The following AXIN1 variants were observed in gnomAD, a reference collection of about 807,000 sequenced individuals.
The protein encoded by AXIN1 is axin 1.
A neutral mutation model predicts 76.4 loss-of-function variants in AXIN1; 30 were observed. The observed-to-expected ratio is 0.39, with a 90% CI of 0.29 to 0.53. The LOEUF (loss-of-function observed/expected upper bound fraction) is 0.53, where lower values mean the gene tolerates loss of function less well. Ranked by LOEUF, AXIN1 falls within the 20% of genes least tolerant of loss-of-function variation. The pLI is 0.66. For synonymous variants in AXIN1, 545 were observed against 501.4 expected, an observed-to-expected ratio of 1.09 and a Z score of -1.16; for missense variants, 1,140 against 1,198.8, an observed-to-expected ratio of 0.95 and a Z score of 0.72.
Position 352,331 on chromosome 16 carries a change from CCGCGGCCTAGCCCGCCCCGGAGCCCG to C in AXIN1, c.-82+12_-82+37del. On this transcript the variant is annotated intron_variant, in intron 1 of 10. Coordinates refer to ENST00000262320, the MANE Select transcript of AXIN1 (RefSeq NM_003502.4). ...TTCCGGGTCCCGCCCGCCCGGCCTACCGCGGCCTAGCCCGCCCCGGAGCCCGGCCCTACTCACCCGCGCGCGGTGGT... is the reference window on the plus strand; with the variant it reads ...TTCCGGGTCCCGCCCGCCCGGCCTACGCCCTACTCACCCGCGCGCGGTGGT... The C allele has an allele frequency of 1.0e-5, 10 of 977,062 alleles. No homozygotes were observed. Among genetic ancestry groups the C allele is most frequent in the Non-Finnish European group, 1.2e-5 (10 of 824,156 alleles). 60.5% of individuals were successfully genotyped at this position (977,062 alleles called of 1,614,324 possible).
intron 1 of AXIN1, among the ~76,000 whole-genome samples, chr16:347,585 G>A (rs1027257959): frequency 6.6e-6 from 1 of 152,224 alleles, no homozygotes; most frequent in Admixed American, 6.5e-5. Flanking sequence ...AGGAAGGTGC[G>A]CTACAGCCCC....
chr16:287,854 C>T lies in AXIN1; in HGVS notation c.*268G>A, dbSNP rs1355202136. The T allele has an allele frequency of 2.3e-5, 13 of 554,710 alleles. No individual in the cohort carries two copies. Among genetic ancestry groups the T allele is most frequent in the Non-Finnish European group, 4.2e-5 (13 of 307,924 alleles). 34.4% of individuals were successfully genotyped at this position (554,710 alleles called of 1,614,324 possible). ...GGGGGGGGTCACCTGAAGCTGGCAGCAGGGACCTCGGCTGCCTCACTTGGG... is the reference window on the plus strand; with the variant it reads ...GGGGGGGGTCACCTGAAGCTGGCAGTAGGGACCTCGGCTGCCTCACTTGGG... On this transcript the variant is annotated 3_prime_UTR_variant, in exon 11 of 11. Transcript: ENST00000262320.
chr16:332,419 T>C (rs1305399263), intron 2 of AXIN1, among the ~76,000 whole-genome samples: 3 of 150,872 alleles, frequency 2.0e-5, no homozygotes, highest in African/African-American at 4.9e-5. Flanking sequence ...CTACTAAAAA[T>C]ACAAAAAATT....
chr16:288,305 G>A (rs963267414), intron 10 of AXIN1, 57 bp from the exon 11 acceptor site: 2 of 1,610,590 alleles, frequency 1.2e-6, no homozygotes, highest in African/African-American at 1.4e-5. Flanking sequence ...TGGGAAGGAG[G>A]CCTGTGGCAG....
intron 2 of AXIN1, among the ~76,000 whole-genome samples, chr16:333,121 T>A (rs1597094985): frequency 6.6e-6 from 1 of 151,932 alleles, no homozygotes; most frequent in South Asian, 2.1e-4. Flanking sequence ...TCACCTGAGG[T>A]CGGGAGTTTG....
chr16:323,837 G>A (rs927137012), intron 2 of AXIN1, among the ~76,000 whole-genome samples: 1 of 152,028 alleles, frequency 6.6e-6, no homozygotes, highest in African/African-American at 2.4e-5. Context: ...TGTGACTTGG[G>A]TTCTCACCTG....
At position 293,416 on chromosome 16, in the gene AXIN1, G is replaced by A. The variant is rs557106697; in HGVS notation, c.2186+72C>T. ...TTTTCCCCTGAAGACCTCAGGCCTC[G>A]GGGAGCTTCAGCCCCAGGAGTGGTG... On this transcript the variant is annotated intron_variant, in intron 8 of 10. Coordinates refer to ENST00000262320, the MANE Select transcript of AXIN1 (RefSeq NM_003502.4). The surrounding 1 kb of genome is among the most constrained non-coding windows in gnomAD (Gnocchi z 4.6). 9.4e-5 allele frequency: 140 copies of A among 1,483,228 alleles called. No individual in the cohort carries two copies. The African/African-American group carries it at 1.3e-3, about 14-fold the overall frequency. The allele number at this position is 1,483,228 out of a possible 1,614,324, so 91.9% of individuals were successfully genotyped here. A position where few individuals can be genotyped will look rare whatever the true frequency, so the allele number is the denominator to read the frequency against.
In AXIN1 at chr16:352,444, G is replaced by C. The variant is rs1217018190; in HGVS notation, c.-157C>G. The C allele has an allele frequency of 2.1e-6, 2 of 974,496 alleles. No homozygotes were observed. The highest frequency in any genetic ancestry group is 5.2e-4 in the Middle Eastern group (1 of 1,920). 60.4% of individuals were successfully genotyped at this position (974,496 alleles called of 1,614,324 possible). A position where few individuals can be genotyped will look rare whatever the true frequency, so the allele number is the denominator to read the frequency against. On this transcript the variant is annotated 5_prime_UTR_variant, in exon 1 of 11. Coordinates refer to ENST00000262320, the MANE Select transcript of AXIN1 (RefSeq NM_003502.4). Reference sequence around the variant, plus strand: ...CGCGGTCCGGGCCCATGCGCTCAGCGGCAGCGCGGCGGGCGGGACCCGGCG... The same window carrying C: ...CGCGGTCCGGGCCCATGCGCTCAGCCGCAGCGCGGCGGGCGGGACCCGGCG...
chr16:291,338 C>A (rs1419882537), intron 8 of AXIN1, 41 bp from the exon 9 acceptor site: 3 of 1,523,522 alleles, frequency 2.0e-6, no homozygotes, highest in Non-Finnish European at 2.7e-6. Flanking sequence ...TGCCGGCGGC[C>A]ACCAGCCCTG....
rs368933170 is a variant in AXIN1, at chr16:288,091, C to T, written c.*31G>A. The T allele has an allele frequency of 6.8e-6, 11 of 1,612,832 alleles. No homozygotes were observed. Among genetic ancestry groups the T allele is most frequent in the Middle Eastern group, 1.6e-4 (1 of 6,062 alleles). On this transcript the variant is annotated 3_prime_UTR_variant, in exon 11 of 11. Coordinates refer to ENST00000262320, the MANE Select transcript of AXIN1 (RefSeq NM_003502.4). ...TGACACCCGTGCCCGCCAAGGGCCT[C>T]GCCTGGCACAGCGGCCAGCCCACCA...
Position 346,202 on chromosome 16 carries a change from G to A in AXIN1, c.824C>T (p.Thr275Ile), listed in dbSNP as rs899023760. 1 of 1,614,024 alleles carries A rather than the reference G, an allele frequency of 6.2e-7. No individual in the cohort carries two copies. The highest frequency in any genetic ancestry group is 1.1e-5 in the South Asian group (1 of 91,084). ...ACTGGAGGAGACCCTCGGGGCAGCT[G>A]TCTCCAGGAGCAGCTTCTGAGGGAG... is the stretch of plus-strand genomic sequence containing the variant. ...GRLPQKLLLE[T>I]AAPRVSSSRR... Residue 275 changes from threonine to isoleucine, a missense_variant, in exon 2 of 11, where the codon ACA (threonine) becomes ATA (isoleucine). Around this residue, in one of 3 missense-constraint regions of AXIN1, gnomAD observed 708 missense variants for 776.9 expected, o/e 0.91. Transcript: ENST00000262320.
intron 2 of AXIN1, among the ~76,000 whole-genome samples, chr16:322,279 A>G (rs1277425634): frequency 6.6e-6 from 1 of 152,218 alleles, no homozygotes; most frequent in African/African-American, 2.4e-5. Context: ...AACATGGCGC[A>G]CACCCCAGGC....
intron 2 of AXIN1, among the ~76,000 whole-genome samples, chr16:340,028 T>G (rs1271823983): frequency 6.6e-6 from 1 of 151,256 alleles, no homozygotes; most frequent in Non-Finnish European, 1.5e-5. Context: ...GGGCCCTTTC[T>G]TTTTCTTCTT....
intron 2 of AXIN1, among the ~76,000 whole-genome samples, chr16:320,815 C>CTACAACCTCCGCCTCCTGGG (rs58703541): frequency 0.5 from 70,920 of 143,134 alleles, 18,412 homozygotes; most frequent in African/African-American, 0.64. Flanking sequence ...TCTCGGCTCA[C>CTACAACCTCCGCCTCCTGGG]TACAACCTCC....
chr16:338,524 T>C (rs1031035832), intron 2 of AXIN1, among the ~76,000 whole-genome samples: 2 of 152,250 alleles, frequency 1.3e-5, no homozygotes, highest in African/African-American at 4.8e-5. Context: ...CAACTACAGA[T>C]ACTTTCGTGG....
intron 5 of AXIN1, among the ~76,000 whole-genome samples, chr16:302,347 C>G (rs550691805): frequency 1.3e-5 from 2 of 152,234 alleles, no homozygotes; most frequent in Admixed American, 6.5e-5. Flanking sequence ...GAGGGTCACC[C>G]TCAGACCAAC....
In AXIN1 at chr16:293,545, G is replaced by T. The variant is rs768565859; in HGVS notation, c.2129C>A (p.Ala710Glu). ...TTCTTCCTCCTCCAGACGTCGGCGCGCCTCCTCCAGCTGGGTTAGGGGGTT... is the reference window on the plus strand; with the variant it reads ...TTCTTCCTCCTCCAGACGTCGGCGCTCCTCCTCCAGCTGGGTTAGGGGGTT... ...APNPLTQLEE[A>E]RRRLEEEEKR... Residue 710 changes from alanine (A) to glutamate (E), a missense_variant, in exon 8 of 11, where the codon GCG becomes GAG. Coordinates refer to ENST00000262320, the MANE Select transcript of AXIN1 (RefSeq NM_003502.4). The surrounding 1 kb of genome is among the most constrained non-coding windows in gnomAD (Gnocchi z 4.6). The T allele has an allele frequency of 6.2e-7, 1 of 1,611,476 alleles. No homozygotes were observed.
intron 2 of AXIN1, among the ~76,000 whole-genome samples, chr16:321,018 T>C (rs539109357): frequency 1.1e-4 from 17 of 152,152 alleles, no homozygotes; most frequent in South Asian, 4.2e-4. Context: ...GATTACAGGC[T>C]TAAGCCACTG....
chr16:341,048 C>A (rs949774168), intron 2 of AXIN1, among the ~76,000 whole-genome samples: 1 of 152,262 alleles, frequency 6.6e-6, no homozygotes, highest in Non-Finnish European at 1.5e-5. Flanking sequence ...AGGGCTGGCC[C>A]TCCTGGCACG....
Sources: allele counts gnomAD v4.1 joint callset (sites outside exome capture counted in the v4.1 genomes callset), GRCh38; gene constraint gnomAD v4.1.1; regional missense constraint gnomAD v4.1.1; non-coding constraint Gnocchi (gnomAD v3.1); transcripts MANE v1.5; gene names NCBI Gene and HGNC (gene_info 2026-07-23, HGNC 2026-07-21).